The following ARHGEF3 variants were observed in gnomAD, a reference collection of about 807,000 sequenced individuals.
ARHGEF3 encodes the protein Rho guanine nucleotide exchange factor 3.
In ARHGEF3, 28 loss-of-function variants were observed where a neutral mutation model predicts 63.2. That is an observed-to-expected ratio of 0.44 (90% CI 0.33 to 0.61). ARHGEF3 has a LOEUF of 0.61. Among genes scored for constraint, ARHGEF3 ranks in the 20% least tolerant of loss-of-function variants. ARHGEF3 has a pLI of 0.03. For missense variants in ARHGEF3, 533 were observed against 659.3 expected, an observed-to-expected ratio of 0.81 and a Z score of 2.10; for synonymous variants, 266 against 254.2, an observed-to-expected ratio of 1.05 and a Z score of -0.44.
chr3:56,858,013 G>A lies in ARHGEF3; in HGVS notation c.192+24279C>T, dbSNP rs1026501573. ...AATCGTAGCACTTTGGGAGGCTGAG[G>A]TGGCAGACTGCTTGAGCCCAGGAGT... On this transcript the variant is annotated intron_variant, in intron 4 of 12. Coordinates refer to the ARHGEF3 transcript ENST00000338458. Among the ~76,000 whole-genome samples, 5 of 152,212 alleles carry A rather than the reference G, an allele frequency of 3.3e-5. No homozygotes were observed. In the East Asian group the frequency reaches 9.7e-4, roughly 29 times the overall value.
intron 9 of ARHGEF3, 96 bp from the exon 10 acceptor site, chr3:56,729,718 T>A: frequency 9.8e-7 from 1 of 1,016,582 alleles, no homozygotes; most frequent in Non-Finnish European, 1.4e-6. Flanking sequence ...CCAGAATCCA[T>A]GGCAGGTATT....
chr3:56,750,391 C>A (rs922442163), intron 6 of ARHGEF3, among the ~76,000 whole-genome samples: 4 of 152,130 alleles, frequency 2.6e-5, no homozygotes, highest in Non-Finnish European at 4.4e-5. Context: ...AAGATCACAG[C>A]TTACTTCTTT....
chr3:56,934,659 A>G (rs1410889130), intron 3 of ARHGEF3, among the ~76,000 whole-genome samples: 2 of 152,226 alleles, frequency 1.3e-5, no homozygotes, highest in Non-Finnish European at 1.5e-5. Flanking sequence ...CCAGCCCACC[A>G]GCGCTGCGCT....
chr3:56,810,315 G>A (rs1043580580), intron 4 of ARHGEF3, among the ~76,000 whole-genome samples: 93 of 152,192 alleles, frequency 6.1e-4, no homozygotes, highest in African/African-American at 2.2e-4. Context: ...AAGCTGAGGC[G>A]GGCAGATCAT....
intron 1 of ARHGEF3, among the ~76,000 whole-genome samples, chr3:56,781,877 CA>C (rs1459961947): frequency 6.6e-6 from 1 of 152,060 alleles, no homozygotes; most frequent in African/African-American, 2.4e-5. Context: ...GGTTGAGCCA[CA>C]AAGAGTCAAG....
intron 2 of ARHGEF3, among the ~76,000 whole-genome samples, chr3:56,964,626 C>A (rs758275817): frequency 6.6e-5 from 10 of 152,162 alleles, no homozygotes; most frequent in Non-Finnish European, 1.2e-4. Flanking sequence ...TTCATGTCCT[C>A]ACAGGGCATT....
intron 3 of ARHGEF3, among the ~76,000 whole-genome samples, chr3:56,906,681 C>G (rs1467455916): frequency 6.6e-6 from 1 of 151,774 alleles, no homozygotes; most frequent in Non-Finnish European, 1.5e-5. Context: ...ACTAAAAATA[C>G]AAAAATTAGC....
chr3:56,816,338 C>T (rs1203969353), intron 4 of ARHGEF3, among the ~76,000 whole-genome samples: 1 of 152,222 alleles, frequency 6.6e-6, no homozygotes, highest in East Asian at 1.9e-4. Context: ...TACTTACTTA[C>T]ATTAATGTTG....
At chr3:56,766,554 T>C (rs1011151061) in intron 2 of ARHGEF3, among the ~76,000 whole-genome samples, 6 of 152,348 alleles carry the variant, frequency 3.9e-5, no homozygotes, top group African/African-American at 1.4e-4. Flanking sequence ...CAAGTACTAA[T>C]TTTTGAGCAC....
chr3:56,806,155 A>G (rs2037855102), upstream of ARHGEF3, among the ~76,000 whole-genome samples: 1 of 152,136 alleles, frequency 6.6e-6, no homozygotes, highest in African/African-American at 2.4e-5. Context: ...CACCTTCCCC[A>G]TATGTAATGC....
intron 6 of ARHGEF3, among the ~76,000 whole-genome samples, chr3:56,746,494 A>G: frequency 6.6e-6 from 1 of 152,190 alleles, no homozygotes; most frequent in Admixed American, 6.5e-5. Context: ...CACATTGGGA[A>G]GCCGGGGCAG....
intron 4 of ARHGEF3, among the ~76,000 whole-genome samples, chr3:56,876,793 C>G (rs951167776): frequency 1.3e-5 from 2 of 152,206 alleles, no homozygotes; most frequent in Admixed American, 6.5e-5. Context: ...GATGCCCCAC[C>G]ACCAGCTCCA....
Position 56,746,286 on chromosome 3 carries a change from G to A in ARHGEF3, c.613-824C>T, listed in dbSNP as rs1013002708. Reference sequence around the variant, plus strand: ...CAGAGGGATTCAGTGCAAGACACTGGCAAAGGAGTGTCTTTCATTTCTGTA... The same window carrying A: ...CAGAGGGATTCAGTGCAAGACACTGACAAAGGAGTGTCTTTCATTTCTGTA... On this transcript the variant is annotated intron_variant, in intron 6 of 9. Transcript: ENST00000296315. 2.0e-5 allele frequency among the ~76,000 whole-genome samples: 3 copies of A among 152,204 alleles called. 1 individual carries two copies. The highest frequency in any genetic ancestry group is 7.2e-5 in the African/African-American group (3 of 41,452).
At chr3:56,987,998 C>T (rs1241216562) in intron 2 of ARHGEF3, among the ~76,000 whole-genome samples, 1 of 152,206 alleles carries the variant, frequency 6.6e-6, no homozygotes, top group Non-Finnish European at 1.5e-5. Context: ...TGGGCAACAG[C>T]TCTGAGGGGT....
intron 4 of ARHGEF3, among the ~76,000 whole-genome samples, chr3:56,843,632 A>G (rs1328220411): frequency 1.3e-5 from 2 of 152,072 alleles, no homozygotes; most frequent in Non-Finnish European, 2.9e-5. Flanking sequence ...ATCTTTCACC[A>G]TCTTTCTTTC....
At chr3:56,830,849 A>C (rs1322598047) in intron 4 of ARHGEF3, among the ~76,000 whole-genome samples, 1 of 152,116 alleles carries the variant, frequency 6.6e-6, no homozygotes, top group Non-Finnish European at 1.5e-5. Context: ...CATCAGCTCA[A>C]ATAACCCCTC....
At chr3:57,017,584 T>G (rs1381012786) in intron 2 of ARHGEF3, among the ~76,000 whole-genome samples, 1 of 152,208 alleles carries the variant, frequency 6.6e-6, no homozygotes, top group Non-Finnish European at 1.5e-5. Flanking sequence ...GTTGACTCCT[T>G]GGTCCTTGAA....
Position 56,754,800 on chromosome 3 carries a change from C to CA in ARHGEF3, c.375+180dup, listed in dbSNP as rs141455861. ...CAGTTTCTTTTTAAAGTGGGGGCCA[C>CA]ACCCTCCCAGCTGGTTTCTGGTTTC... On this transcript the variant is annotated intron_variant, in intron 3 of 9. Transcript: ENST00000296315. Among the ~76,000 whole-genome samples, 387 of 152,332 alleles carry CA rather than the reference C, an allele frequency of 2.5e-3. 2 individuals carry two copies. The highest frequency in any genetic ancestry group is 8.9e-3 in the African/African-American group (371 of 41,576).
chr3:56,929,162 G>C (rs11919224), intron 3 of ARHGEF3, among the ~76,000 whole-genome samples: 8,753 of 152,238 alleles, frequency 0.057, 875 homozygotes, highest in African/African-American at 0.2. Flanking sequence ...CTAGAAAGGA[G>C]AGTGAGAGTG....
Sources: allele counts gnomAD v4.1 joint callset (sites outside exome capture counted in the v4.1 genomes callset), GRCh38; gene constraint gnomAD v4.1.1; transcripts MANE v1.5; gene names NCBI Gene and HGNC (gene_info 2026-07-23, HGNC 2026-07-21).